The following MAP4 variants were observed in gnomAD, a reference collection of about 807,000 sequenced individuals.
The protein encoded by MAP4 is microtubule-associated protein 4.
In MAP4, 76 loss-of-function variants were observed where a neutral mutation model predicts 170.2. That is an observed-to-expected ratio of 0.45 (90% CI 0.37 to 0.54). The LOEUF (loss-of-function observed/expected upper bound fraction) is 0.54. Ranked by LOEUF, MAP4 falls within the 20% of genes least tolerant of loss-of-function variation. The pLI is 0.00. For synonymous variants in MAP4, 909 were observed against 994.5 expected (o/e 0.91, Z 1.62); for missense variants, 2,506 against 2,748.0 (o/e 0.91, Z 1.97).
intron 3 of MAP4, among the ~76,000 whole-genome samples, chr3:47,958,688 T>TC (rs2100069389): frequency 6.7e-6 from 1 of 149,814 alleles, no homozygotes; most frequent in South Asian, 2.1e-4. Context: ...GCTAATTTTT[T>TC]TTTTTTTTTT....
At chr3:47,886,916 T>A (rs2097688173) in intron 10 of MAP4, among the ~76,000 whole-genome samples, 1 of 152,266 alleles carries the variant, frequency 6.6e-6, no homozygotes, top group Non-Finnish European at 1.5e-5. Flanking sequence ...CAACTCTTTG[T>A]CTTCCAGTTC....
At position 48,059,514 on chromosome 3, in the gene MAP4, C is replaced by CAAA. The variant is rs762700404; in HGVS notation, c.-20+29256_-20+29258dup. ...TGGGCAACAGAGCAAGACTCCATCT[C>CAAA]AAAAAAAAAAAAAAAAAAAAAAAAA... On this transcript the variant is annotated intron_variant, in intron 1 of 18. Coordinates refer to the MAP4 transcript ENST00000360240. 1.2e-3 allele frequency among the ~76,000 whole-genome samples: 21 copies of CAAA among 17,996 alleles called. 2 individuals are homozygous for CAAA. Among genetic ancestry groups the CAAA allele is most frequent in the African/African-American group, 2.4e-3 (18 of 7,534 alleles). 11.8% of individuals were successfully genotyped at this position (17,996 alleles called of 152,430 possible). A position where few individuals can be genotyped will look rare whatever the true frequency, so the allele number is the denominator to read the frequency against.
chr3:47,863,259 A>G (rs544880368), intron 17 of MAP4, among the ~76,000 whole-genome samples: 20 of 152,358 alleles, frequency 1.3e-4, no homozygotes, highest in Non-Finnish European at 2.5e-4. Context: ...TACAGGCATG[A>G]GCCGCTGTGC....
chr3:47,861,552 T>C (rs958772007), intron 17 of MAP4, among the ~76,000 whole-genome samples: 1 of 151,188 alleles, frequency 6.6e-6, no homozygotes, highest in Non-Finnish European at 1.5e-5. Flanking sequence ...GGGGTTTCAC[T>C]GTGTTGGCCA....
chr3:48,068,459 C>T (rs1294778916), intron 1 of MAP4, among the ~76,000 whole-genome samples: 1 of 152,032 alleles, frequency 6.6e-6, no homozygotes, highest in African/African-American at 2.4e-5. Flanking sequence ...TACTTGAACT[C>T]CAAGGCTCAA....
rs567127866 is a variant in MAP4 at position 47,924,296 on chromosome 3, T to C, written c.416-2418A>G. Among the ~76,000 whole-genome samples, 3 of 152,300 alleles carry C rather than the reference T, an allele frequency of 2.0e-5. No individual in the cohort carries two copies. In the East Asian group the frequency reaches 5.8e-4, roughly 29 times the overall value. On this transcript the variant is annotated intron_variant, in intron 4 of 20. Coordinates refer to ENST00000683076, the MANE Select transcript of MAP4 (RefSeq NM_001385682.1). ...AGGAGGAAGACAAACCTTTTCTCTC[T>C]CTACATTCCCTCTCCTCTAATCCCA...
chr3:47,908,716 G>A (rs1331532065), intron 9 of MAP4, among the ~76,000 whole-genome samples: 1 of 152,076 alleles, frequency 6.6e-6, no homozygotes, highest in Non-Finnish European at 1.5e-5. Context: ...TACATAGGAG[G>A]CACAATTTTA....
At chr3:47,973,687 C>G (rs2100080178) in intron 3 of MAP4, 8 of 985,328 alleles carry the variant, frequency 8.1e-6, no homozygotes, top group Non-Finnish European at 8.4e-6. Flanking sequence ...GGCTTCTCCA[C>G]CCATAACTTA....
In MAP4 at chr3:47,911,456, CTTCT is replaced by C; in HGVS notation, c.2961_2964del (p.Glu988GlyfsTer7). 1.3e-6 allele frequency: 2 copies of C among 1,536,040 alleles called. No homozygotes were observed. Among genetic ancestry groups the C allele is most frequent in the Non-Finnish European group, 1.7e-6 (2 of 1,146,864 alleles). ...TTAGTCATTTTACTTTCATTATTCC[CTTCT>C]TTTAGATTACATTCTAATGGATTAC... is the stretch of plus-strand genomic sequence containing the variant. On this transcript the variant is annotated frameshift_variant, in exon 9 of 21. Transcript: ENST00000683076. LOFTEE classifies it high-confidence loss of function. The surrounding 1 kb of genome is among the most constrained non-coding windows in gnomAD (Gnocchi z 4.0).
Position 47,888,207 on chromosome 3 carries a change from G to C in MAP4, c.5435-10684C>G, listed in dbSNP as rs915733923. Among the ~76,000 whole-genome samples, 3 of 152,242 alleles carry C rather than the reference G, an allele frequency of 2.0e-5. No homozygotes were observed. The East Asian group carries it at 5.8e-4, about 29-fold the overall frequency. ...AGTGCCCTGACAAAACAGGCCACTC[G>C]GCTCTACCAATCAGCAGGATGTGGG... On this transcript the variant is annotated intron_variant, in intron 10 of 20. Transcript: ENST00000683076.
chr3:47,948,365 C>T (rs1282602715), intron 3 of MAP4, among the ~76,000 whole-genome samples: 1 of 151,000 alleles, frequency 6.6e-6, no homozygotes, highest in Non-Finnish European at 1.5e-5. Context: ...TATGGAGTAG[C>T]TGGGACTGTG....
rs1174954625 is a variant in MAP4 at position 47,992,629 on chromosome 3, T to G, written c.223+6009A>C. 4.6e-5 allele frequency among the ~76,000 whole-genome samples: 7 copies of G among 152,136 alleles called. No individual in the cohort carries two copies. In the South Asian group the frequency reaches 1.0e-3, roughly 23 times the overall value. On this transcript the variant is annotated intron_variant, in intron 2 of 20. Transcript: ENST00000683076. ...CTTTAAACATGGTATCTTCAACAAG[T>G]TCGTGGAAAATGCATTCTATGAAAA...
chr3:47,949,240 C>T (rs2100062073), intron 3 of MAP4, among the ~76,000 whole-genome samples: 1 of 151,926 alleles, frequency 6.6e-6, no homozygotes, highest in African/African-American at 2.4e-5. Context: ...CTGAGGCGGG[C>T]AGATCACCTG....
chr3:48,086,319 T>C (rs1468557145), intron 1 of MAP4, among the ~76,000 whole-genome samples: 1 of 151,948 alleles, frequency 6.6e-6, no homozygotes, highest in Non-Finnish European at 1.5e-5. Context: ...CGAGACTCCA[T>C]CTTAAAAAAT....
intron 3 of MAP4, among the ~76,000 whole-genome samples, chr3:47,960,048 G>C (rs1239428606): frequency 6.6e-6 from 1 of 151,890 alleles, no homozygotes; most frequent in Non-Finnish European, 1.5e-5. Flanking sequence ...ATTTTTAGTA[G>C]AGACAGGGTT....
intron 3 of MAP4, chr3:47,975,560 A>C: frequency 5.0e-6 from 4 of 799,588 alleles, no homozygotes; most frequent in Non-Finnish European, 8.7e-6. Context: ...GTTCAATATC[A>C]CAAGATGCTC....
At chr3:48,054,839 A>C (rs2100129882) in intron 1 of MAP4, among the ~76,000 whole-genome samples, 1 of 151,938 alleles carries the variant, frequency 6.6e-6, no homozygotes, top group Non-Finnish European at 1.5e-5. Context: ...AAGCCCCAAC[A>C]AAAGTCAGTC....
At chr3:47,891,135 G>A (rs2100023706) in intron 10 of MAP4, 2 of 1,536,254 alleles carry the variant, frequency 1.3e-6, no homozygotes, top group Non-Finnish European at 1.7e-6. Flanking sequence ...TCTCCTCGCT[G>A]GCAAACCTGC....
chr3:48,017,185 G>A (rs2100108226), upstream of MAP4, among the ~76,000 whole-genome samples: 2 of 152,178 alleles, frequency 1.3e-5, no homozygotes. Flanking sequence ...AAATGAGGCT[G>A]AGACAAAGGA....
Sources: gnomAD v4.1 joint callset for allele counts (sites outside exome capture counted in the v4.1 genomes callset) on GRCh38, gnomAD v4.1.1 for gene constraint, Gnocchi (gnomAD v3.1) non-coding constraint, MANE v1.5 for transcripts, NCBI Gene and HGNC (gene_info 2026-07-23, HGNC 2026-07-21) for gene names.